Variants in ZNF148 observed in about 807,000 individuals in gnomAD.
The protein encoded by ZNF148 is Beta-Enolase Repressor Factor-1.
Under a neutral mutation model 67.7 loss-of-function variants are expected in ZNF148, and 7 were observed. That is an observed-to-expected ratio of 0.10 (90% CI 0.06 to 0.19). The LOEUF is 0.19. ZNF148 is among the 10% of genes least tolerant of loss of function. ZNF148 has a pLI of 1.00. For missense variants in ZNF148, 583 were observed against 947.1 expected (o/e 0.62, Z 5.05); for synonymous variants, 333 against 330.7 (o/e 1.01, Z -0.08).
rs1942422634 is a variant in ZNF148, at chr3:125,358,099, G to T, written c.-234+17003C>A. On this transcript the variant is annotated intron_variant, in intron 1 of 8. Coordinates refer to ENST00000360647, the MANE Select transcript of ZNF148 (RefSeq NM_021964.3). ...GGCTGAGGCGAGCGGATCACGTGAA[G>T]TCAGGAGTTCAAGACCAGCCTATCC... Among the ~76,000 whole-genome samples, 5 of 152,272 alleles carry T rather than the reference G, an allele frequency of 3.3e-5. No individual in the cohort carries two copies. In the South Asian group the frequency reaches 8.3e-4, roughly 25 times the overall value.
At chr3:125,358,269 C>T (rs1942429102) in intron 1 of ZNF148, among the ~76,000 whole-genome samples, 1 of 151,960 alleles carries the variant, frequency 6.6e-6, no homozygotes, top group Non-Finnish European at 1.5e-5. Context: ...GGCGTGATAA[C>T]GCCACTGCAC....
At chr3:125,335,042 T>C (rs1164161577) in intron 1 of ZNF148, among the ~76,000 whole-genome samples, 1 of 151,622 alleles carries the variant, frequency 6.6e-6, no homozygotes, top group Admixed American at 6.6e-5. Context: ...AGTCACACCA[T>C]TTGAAATTGC....
chr3:125,344,213 C>A, intron 1 of ZNF148: 1 of 324,844 alleles, frequency 3.1e-6, no homozygotes, highest in Non-Finnish European at 5.9e-6. Context: ...CTGCCATTAG[C>A]CATTTTAGTA....
chr3:125,371,799 T>A (rs1246742961), intron 1 of ZNF148, among the ~76,000 whole-genome samples: 1 of 151,692 alleles, frequency 6.6e-6, no homozygotes, highest in Non-Finnish European at 1.5e-5. Flanking sequence ...GCGCGGAGAC[T>A]CATGACTGTA....
In ZNF148 at chr3:125,228,542, A is replaced by G. The variant is rs574143048; in HGVS notation, c.*3799T>C. 6.5e-6 allele frequency: 1 copy of G among 152,774 alleles called. No individual in the cohort carries two copies. The highest frequency in any genetic ancestry group is 1.9e-4 in the East Asian group (1 of 5,184). 9.5% of individuals were successfully genotyped at this position (152,774 alleles called of 1,614,324 possible). A position where few individuals can be genotyped will look rare whatever the true frequency, so the allele number is the denominator to read the frequency against. ...AGCACTGCTATGTATTATTGCTTAC[A>G]TACAGTACAACATCATATGCCTTCT... On this transcript the variant is annotated 3_prime_UTR_variant, in exon 9 of 9. Transcript: ENST00000360647.
At chr3:125,282,017 C>A (rs1182472770) in intron 5 of ZNF148, among the ~76,000 whole-genome samples, 1 of 152,158 alleles carries the variant, frequency 6.6e-6, no homozygotes, top group Admixed American at 6.5e-5. Context: ...GTCAAAGGAC[C>A]TGGCTGCCTG....
At chr3:125,323,525 T>C in intron 2 of ZNF148, 81 bp from the exon 3 acceptor site, 2 of 538,416 alleles carry the variant, frequency 3.7e-6, no homozygotes, top group Non-Finnish European at 6.5e-6. Context: ...CAAATTGGTA[T>C]GAATACTGAA....
At chr3:125,278,490 A>G (rs1938194187) in intron 6 of ZNF148, among the ~76,000 whole-genome samples, 1 of 152,090 alleles carries the variant, frequency 6.6e-6, no homozygotes, top group Non-Finnish European at 1.5e-5. Context: ...TGCTTTCTGA[A>G]AAGCTACTTG....
chr3:125,243,398 T>A (rs1432148290), intron 7 of ZNF148, among the ~76,000 whole-genome samples: 1 of 152,228 alleles, frequency 6.6e-6, no homozygotes, highest in Non-Finnish European at 1.5e-5. Flanking sequence ...AAGTTTATAA[T>A]CATATTGCTT....
intron 1 of ZNF148, among the ~76,000 whole-genome samples, chr3:125,343,707 C>G (rs983192067): frequency 4.6e-5 from 7 of 152,260 alleles, no homozygotes; most frequent in South Asian, 2.1e-4. Flanking sequence ...CAGCAGCAAT[C>G]CGCTCGGGTC....
chr3:125,325,758 G>A (rs917671821), intron 2 of ZNF148, among the ~76,000 whole-genome samples: 3 of 152,098 alleles, frequency 2.0e-5, no homozygotes, highest in African/African-American at 7.2e-5. Context: ...ATAGGTATGA[G>A]CCACCACACC....
chr3:125,311,077 G>T, intron 4 of ZNF148: 1 of 208,426 alleles, frequency 4.8e-6, no homozygotes. Flanking sequence ...GAAAGCTCTA[G>T]GGAAAATGGA....
intron 1 of ZNF148, among the ~76,000 whole-genome samples, chr3:125,337,243 T>C (rs1292252932): frequency 6.6e-6 from 1 of 152,080 alleles, no homozygotes; most frequent in East Asian, 1.9e-4. Flanking sequence ...CAACTGTCCA[T>C]CTATGTTAGA....
At chr3:125,281,388 AAAAC>A (rs1403015826) in intron 5 of ZNF148, among the ~76,000 whole-genome samples, 4 of 152,366 alleles carry the variant, frequency 2.6e-5, no homozygotes, top group African/African-American at 4.8e-5. Context: ...TTTTATACAT[AAAAC>A]AAACAAAAAG....
chr3:125,286,587 A>G (rs1938671895), intron 5 of ZNF148, among the ~76,000 whole-genome samples: 1 of 152,222 alleles, frequency 6.6e-6, no homozygotes, highest in Admixed American at 6.5e-5. Context: ...TTTAAAACAG[A>G]AACAAAAGGA....
intron 2 of ZNF148, among the ~76,000 whole-genome samples, chr3:125,326,259 T>C (rs1482202002): frequency 1.3e-5 from 2 of 152,122 alleles, no homozygotes; most frequent in Non-Finnish European, 2.9e-5. Flanking sequence ...TCCATAAACA[T>C]ATTTTTCTCA....
intron 5 of ZNF148, among the ~76,000 whole-genome samples, chr3:125,280,946 T>C (rs1231309639): frequency 2.0e-5 from 3 of 152,034 alleles, no homozygotes; most frequent in Non-Finnish European, 4.4e-5. Context: ...CTGTGGAAAC[T>C]GATTAGGGCC....
Position 125,227,839 on chromosome 3 carries a change from T to C in ZNF148, c.*4502A>G, listed in dbSNP as rs1347587037. ...TATAAATGACTAGCATTTAAAAACA[T>C]TTTTTCCTATAAAATGTAGGTCATA... On this transcript the variant is annotated 3_prime_UTR_variant, in exon 9 of 9. Transcript: ENST00000360647. The C allele has an allele frequency of 1.3e-5, 2 of 152,604 alleles. No homozygotes were observed. Among genetic ancestry groups the C allele is most frequent in the African/African-American group, 4.8e-5 (2 of 41,448 alleles). 9.5% of individuals were successfully genotyped at this position (152,604 alleles called of 1,614,324 possible). A position where few individuals can be genotyped will look rare whatever the true frequency, so the allele number is the denominator to read the frequency against.
At chr3:125,258,753 G>C (rs1937210699) in intron 7 of ZNF148, among the ~76,000 whole-genome samples, 1 of 152,040 alleles carries the variant, frequency 6.6e-6, no homozygotes, top group Non-Finnish European at 1.5e-5. Context: ...ACTTAAAACA[G>C]TCTAACCCAT....
Sources: gnomAD v4.1 joint callset for allele counts (sites outside exome capture counted in the v4.1 genomes callset) on GRCh38, gnomAD v4.1.1 for gene constraint, MANE v1.5 for transcripts, NCBI Gene and HGNC (gene_info 2026-07-23, HGNC 2026-07-21) for gene names.